MEGF10: variants seen among roughly 807,000 people sequenced by gnomAD.
MEGF10 encodes the protein multiple EGF like domains 10, also known as multiple epidermal growth factor-like domains protein 10.
A neutral mutation model predicts 147.5 loss-of-function variants in MEGF10; 86 were observed. The ratio of observed to expected loss-of-function variants is 0.58; its 90% CI spans 0.49 to 0.70. MEGF10 has a LOEUF of 0.70. Among genes scored for constraint, MEGF10 ranks in the 30% least tolerant of loss-of-function variants. The pLI, the probability that MEGF10 is intolerant of heterozygous loss-of-function variation, is 0.00. For missense variants in MEGF10, 1,329 were observed against 1,487.3 expected (o/e 0.89, Z 1.75); for synonymous variants, 478 against 525.5 (o/e 0.91, Z 1.24).
chr5:127,446,018 G>A (rs1765931465), intron 20 of MEGF10, among the ~76,000 whole-genome samples: 1 of 152,108 alleles, frequency 6.6e-6, no homozygotes, highest in Non-Finnish European at 1.5e-5. Flanking sequence ...AGGAAGAGAG[G>A]ATGATAAGTT....
At chr5:127,306,215 A>G (rs1215171975) in intron 1 of MEGF10, among the ~76,000 whole-genome samples, 1 of 152,276 alleles carries the variant, frequency 6.6e-6, no homozygotes, top group East Asian at 1.9e-4. Flanking sequence ...ATTCACTGGT[A>G]CATAAGAGAG....
At chr5:127,411,495 G>A (rs185872773) in intron 9 of MEGF10, among the ~76,000 whole-genome samples, 15 of 152,318 alleles carry the variant, frequency 9.8e-5, no homozygotes, top group Admixed American at 7.8e-4. Context: ...ACAAAAGCGT[G>A]TGGTTGGTCT....
At chr5:127,373,526 C>T (rs1762921219) in intron 5 of MEGF10, among the ~76,000 whole-genome samples, 1 of 152,080 alleles carries the variant, frequency 6.6e-6, no homozygotes, top group Non-Finnish European at 1.5e-5. Flanking sequence ...GAAGATATTC[C>T]AGGCTAATTT....
At chr5:127,435,672 A>G (rs1287851752) in intron 16 of MEGF10, among the ~76,000 whole-genome samples, 183 bp downstream of exon 16, 1 of 151,960 alleles carries the variant, frequency 6.6e-6, no homozygotes, top group Non-Finnish European at 1.5e-5. Flanking sequence ...ACCTCTATGC[A>G]ATGGTCCTAT....
chr5:127,402,784 C>T (rs1467004899), intron 8 of MEGF10, 102 bp downstream of exon 8: 1 of 1,230,138 alleles, frequency 8.1e-7, no homozygotes, highest in Non-Finnish European at 1.1e-6. Context: ...CATGACTCTT[C>T]CATAATATTT....
At chr5:127,360,804 T>C (rs1718596039) in intron 4 of MEGF10, among the ~76,000 whole-genome samples, 1 of 151,818 alleles carries the variant, frequency 6.6e-6, no homozygotes, top group African/African-American at 2.4e-5. Flanking sequence ...AGGAACTATA[T>C]ATATAGGTTA....
chr5:127,233,304 C>T, the MEGF10 span, among the ~76,000 whole-genome samples: 1 of 152,180 alleles, frequency 6.6e-6, no homozygotes, highest in Non-Finnish European at 1.5e-5. Flanking sequence ...GTGGAAACCA[C>T]CACACCTTCC....
rs570020034 is a variant in MEGF10, at chr5:127,432,644, C to A, written c.1694-719C>A. ...AAACCTGGTTTTAGTTTTATTTTTG[C>A]AAACTTAGCTTTCCTTTCTGTTTCC... On this transcript the variant is annotated intron_variant, in intron 13 of 24. Coordinates refer to ENST00000503335, the MANE Select transcript of MEGF10 (RefSeq NM_001256545.2). Among the ~76,000 whole-genome samples, 7 of 152,272 alleles carry A rather than the reference C, an allele frequency of 4.6e-5. No individual in the cohort carries two copies. The East Asian group carries it at 1.4e-3, about 29-fold the overall frequency.
the MEGF10 span, among the ~76,000 whole-genome samples, chr5:127,257,635 A>G: frequency 6.6e-6 from 1 of 152,154 alleles, no homozygotes; most frequent in Non-Finnish European, 1.5e-5. Flanking sequence ...ATCAATTTAG[A>G]TGTTTATTTT....
At chr5:127,429,001 T>C (rs1765303667) in intron 13 of MEGF10, among the ~76,000 whole-genome samples, 1 of 152,216 alleles carries the variant, frequency 6.6e-6, no homozygotes, top group South Asian at 2.1e-4. Context: ...CAAAGAGCTC[T>C]TTGTTCTCAG....
the MEGF10 span, among the ~76,000 whole-genome samples, chr5:127,255,992 G>T: frequency 6.6e-6 from 1 of 152,134 alleles, no homozygotes; most frequent in Non-Finnish European, 1.5e-5. Flanking sequence ...GCCCCAACAG[G>T]CACCAGAGAA....
At position 127,452,969 on chromosome 5, in the gene MEGF10, C is replaced by T. The variant is rs151243343; in HGVS notation, c.2981-1597C>T. On this transcript the variant is annotated intron_variant, in intron 22 of 24. Transcript: ENST00000503335. ...AGGAAAATATTCCCATTTCCTGTCC[C>T]ACGATGATTGATATCTGACAGACCC... is the stretch of plus-strand genomic sequence containing the variant. Among the ~76,000 whole-genome samples, 490 of 152,190 alleles carry T rather than the reference C, an allele frequency of 3.2e-3. 1 individual carries two copies. In the Middle Eastern group the frequency reaches 0.068, roughly 21 times the overall value.
Position 127,440,752 on chromosome 5 carries a change from G to A in MEGF10, c.2247G>A (p.Gly749=). 1 of 1,614,060 alleles carries A rather than the reference G, an allele frequency of 6.2e-7. No individual in the cohort carries two copies. The highest frequency in any genetic ancestry group is 8.5e-7 in the Non-Finnish European group (1 of 1,179,936). Residue 749 remains glycine (G), a synonymous_variant, in exon 18 of 25, where the codon GGG becomes GGA. Transcript: ENST00000503335. ...GLYCTQRCPL[G]FYGKDCALIC... is the part of the protein sequence containing the mutation. ...CTCCTCCCACAGGATGTCCTCTAGG[G>A]TTTTATGGAAAAGATTGTGCACTGA...
chr5:127,321,929 C>T (rs1245943554), intron 1 of MEGF10, among the ~76,000 whole-genome samples: 1 of 152,122 alleles, frequency 6.6e-6, no homozygotes, highest in Admixed American at 6.6e-5. Context: ...CCTCCTTCTC[C>T]TTATTATAAT....
At chr5:127,265,992 T>G in the MEGF10 span, among the ~76,000 whole-genome samples, 15 of 152,234 alleles carry the variant, frequency 9.9e-5, no homozygotes, top group South Asian at 1.7e-3. Flanking sequence ...TGAAGTCCTT[T>G]CCCATGCCTA....
chr5:127,366,897 G>A (rs193072405), intron 4 of MEGF10, among the ~76,000 whole-genome samples: 13 of 152,224 alleles, frequency 8.5e-5, no homozygotes, highest in African/African-American at 1.4e-4. Context: ...CAAAATAAAA[G>A]CAACAAAAAA....
chr5:127,456,339 A>C (rs1766361906), intron 24 of MEGF10, among the ~76,000 whole-genome samples: 1 of 152,164 alleles, frequency 6.6e-6, no homozygotes, highest in Admixed American at 6.5e-5. Context: ...AGTTATTTTG[A>C]TTGTCTTTTG....
chr5:127,266,014 G>A, the MEGF10 span, among the ~76,000 whole-genome samples: 4 of 152,206 alleles, frequency 2.6e-5, no homozygotes, highest in Admixed American at 6.5e-5. Context: ...GTCCTGAATG[G>A]CATTGCCTAG....
chr5:127,431,898 A>G (rs1342680837), intron 13 of MEGF10, among the ~76,000 whole-genome samples: 1 of 152,180 alleles, frequency 6.6e-6, no homozygotes, highest in African/African-American at 2.4e-5. Flanking sequence ...TGGCTGATGT[A>G]TCACATCTGG....
Sources: allele counts gnomAD v4.1 joint callset (sites outside exome capture counted in the v4.1 genomes callset), GRCh38; gene constraint gnomAD v4.1.1; transcripts MANE v1.5; gene names NCBI Gene and HGNC (gene_info 2026-07-23, HGNC 2026-07-21).